Variants in ERV3-1 observed in about 807,000 individuals in gnomAD.
ERV3-1 encodes the protein endogenous retrovirus group 3 member 1 Env polyprotein.
A neutral mutation model predicts 24.6 loss-of-function variants in ERV3-1; 36 were observed. That is an observed-to-expected ratio of 1.47 (90% CI 1.12 to 1.94). ERV3-1 has a LOEUF of 1.94. Among genes scored for constraint, ERV3-1 ranks in the 30% most tolerant of loss-of-function variants. The pLI is 0.00. For synonymous variants in ERV3-1, 211 were observed against 122.6 expected, an observed-to-expected ratio of 1.72 and a Z score of -4.76; for missense variants, 578 against 330.9, an observed-to-expected ratio of 1.75 and a Z score of -5.79.
At chr7:64,995,393 TAGAA>T (rs1204994234) in intron 1 of ERV3-1, among the ~76,000 whole-genome samples, 1 of 152,238 alleles carries the variant, frequency 6.6e-6, no homozygotes, top group East Asian at 1.9e-4. Flanking sequence ...CATGGACATA[TAGAA>T]AGAAAGGCTT....
intron 1 of ERV3-1, among the ~76,000 whole-genome samples, chr7:65,002,717 C>T (rs1786551516): frequency 6.6e-6 from 1 of 152,228 alleles, no homozygotes; most frequent in Admixed American, 6.5e-5. Flanking sequence ...AGCCAACATA[C>T]AGCCCCATTT....
rs371741569 is a variant in ERV3-1, at chr7:65,005,476, C to A, written c.-389+1065G>T. Among the ~76,000 whole-genome samples the A allele has an allele frequency of 1.2e-3, 183 of 152,208 alleles. 1 individual carries two copies. The highest frequency in any genetic ancestry group is 4.1e-3 in the African/African-American group (172 of 41,528). On this transcript the variant is annotated intron_variant, in intron 1 of 1. Coordinates refer to ENST00000394323, the MANE Select transcript of ERV3-1 (RefSeq NM_001007253.4). ...TTGGGAAATCTTTACAAACAGAAAA[C>A]AAATCTTTTTTAAAATGCCAGCCAA...
rs1333108987 is a variant in ERV3-1 at position 64,992,695 on chromosome 7, G to A, written c.332C>T (p.Pro111Leu). ...TAAGGATACGACATCCTTGCCAGAG[G>A]GAAATACCTTGGTTTGGTTTAGAAG... ...GDLLNQTKVFPSGKDVVSLYF... is the reference protein window; with the variant it reads ...GDLLNQTKVFLSGKDVVSLYF... Residue 111 changes from proline to leucine, a missense_variant, in exon 2 of 2, where the codon CCC (proline) becomes CTC (leucine). Coordinates refer to ENST00000394323, the MANE Select transcript of ERV3-1 (RefSeq NM_001007253.4). 5.2e-6 allele frequency: 4 copies of A among 766,276 alleles called. No homozygotes were observed. The highest frequency in any genetic ancestry group is 1.3e-5 in the South Asian group (1 of 74,624). The allele number at this position is 766,276 out of a possible 1,614,324, so 47.5% of individuals were successfully genotyped here. A position where few individuals can be genotyped will look rare whatever the true frequency, so the allele number is the denominator to read the frequency against.
intron 1 of ERV3-1, among the ~76,000 whole-genome samples, chr7:65,000,235 T>C (rs1786490114): frequency 6.6e-6 from 1 of 152,100 alleles, no homozygotes; most frequent in South Asian, 2.1e-4. Context: ...TTTTTTGTTT[T>C]TTTTTGAGAT....
At chr7:65,000,867 AAAG>A (rs1240609913) in intron 1 of ERV3-1, among the ~76,000 whole-genome samples, 9 of 152,234 alleles carry the variant, frequency 5.9e-5, no homozygotes, top group African/African-American at 1.9e-4. Context: ...TGGCCATAAA[AAAG>A]AAGATTGTGT....
Position 64,991,007 on chromosome 7 carries a change from G to GA in ERV3-1, c.*204_*205insT. ...AGAGGAAGTAGCTCTTTTCTTGGCA[G>GA]GGGTTAATACTTAGTTAGGGCCATT... is the stretch of plus-strand genomic sequence containing the variant. On this transcript the variant is annotated 3_prime_UTR_variant, in exon 2 of 2. Coordinates refer to ENST00000394323, the MANE Select transcript of ERV3-1 (RefSeq NM_001007253.4). The GA allele has an allele frequency of 2.4e-6, 1 of 419,434 alleles. No homozygotes were observed. Among genetic ancestry groups the GA allele is most frequent in the Non-Finnish European group, 4.2e-6 (1 of 237,336 alleles). The allele number at this position is 419,434 out of a possible 1,614,324, so 26.0% of individuals were successfully genotyped here. A position where few individuals can be genotyped will look rare whatever the true frequency, so the allele number is the denominator to read the frequency against.
rs767670847 is a variant in ERV3-1 at position 64,991,841 on chromosome 7, G to A, written c.1186C>T (p.Pro396Ser). 2 of 766,122 alleles carry A rather than the reference G, an allele frequency of 2.6e-6. No individual in the cohort carries two copies. The highest frequency in any genetic ancestry group is 3.4e-5 in the African/African-American group (2 of 59,112). 47.5% of individuals were successfully genotyped at this position (766,122 alleles called of 1,614,324 possible). The change falls in exon 2 of 2, where the codon CCA becomes TCA. Residue 396 changes from proline (P) to serine (S), a missense_variant. By Grantham distance (74) the Pro-to-Ser change is moderately conservative. Transcript: ENST00000394323. ...TGGTACCAAGAATGGTTTAAAGATG[G>A]GAAACGAGAGAATGGGCTTGGGTGT... ...SPHPSPFSRF[P>S]SLNHSWYQLE...
Position 64,991,015 on chromosome 7 carries a change from T to C in ERV3-1, c.*197A>G, listed in dbSNP as rs552655508. On this transcript the variant is annotated 3_prime_UTR_variant, in exon 2 of 2. Transcript: ENST00000394323. ...TAGCTCTTTTCTTGGCAGGGGTTAATACTTAGTTAGGGCCATTAGTCGTGT... is the reference window on the plus strand; with the variant it reads ...TAGCTCTTTTCTTGGCAGGGGTTAACACTTAGTTAGGGCCATTAGTCGTGT... The C allele has an allele frequency of 2.1e-4, 97 of 469,152 alleles. No homozygotes were observed. Among genetic ancestry groups the C allele is most frequent in the African/African-American group, 1.7e-3 (88 of 51,270 alleles). 29.1% of individuals were successfully genotyped at this position (469,152 alleles called of 1,614,324 possible).
At position 64,991,711 on chromosome 7, in the gene ERV3-1, A is replaced by G; in HGVS notation, c.1316T>C (p.Leu439Pro). The G allele has an allele frequency of 1.3e-6, 1 of 759,644 alleles. No individual in the cohort carries two copies. Among genetic ancestry groups the G allele is most frequent in the Admixed American group, 1.7e-5 (1 of 57,558 alleles). The allele number at this position is 759,644 out of a possible 1,614,324, so 47.1% of individuals were successfully genotyped here. Reference protein sequence around the residue: ...LPAKWSGACVLGTIRPSFFLM... With the variant: ...LPAKWSGACVPGTIRPSFFLM... ...GAAGAAGGACGGCCTAATTGTCCCC[A>G]GTACACAGGCCCCTGACCATTTAGC... Residue 439 changes from leucine to proline, a missense_variant, in exon 2 of 2, where the codon CTG becomes CCG. Coordinates refer to ENST00000394323, the MANE Select transcript of ERV3-1 (RefSeq NM_001007253.4).
At position 64,990,501 on chromosome 7, in the gene ERV3-1, G is replaced by C. The variant is rs1234487296; in HGVS notation, c.*711C>G. The stretch of plus-strand genomic sequence containing the variant: ...GGGTTTTTGGCGCAAAACCTGCGAG[G>C]TGAGAAAGCAGTCTTACAGAAGCAG... On this transcript the variant is annotated 3_prime_UTR_variant, in exon 2 of 2. Transcript: ENST00000394323. 5.9e-6 allele frequency: 1 copy of C among 170,838 alleles called. No individual in the cohort carries two copies. The highest frequency in any genetic ancestry group is 1.2e-5 in the Non-Finnish European group (1 of 80,484). 10.6% of individuals were successfully genotyped at this position (170,838 alleles called of 1,614,324 possible). A position where few individuals can be genotyped will look rare whatever the true frequency, so the allele number is the denominator to read the frequency against.
rs2115560778 is a variant in ERV3-1 at position 65,006,644 on chromosome 7, G to C, written c.-492C>G. On this transcript the variant is annotated 5_prime_UTR_variant, in exon 1 of 2. Coordinates refer to ENST00000394323, the MANE Select transcript of ERV3-1 (RefSeq NM_001007253.4). ...TGGGCCTCTAGGAGCAGAAGACACA[G>C]AGCAGTGAAGACTACACCAGAAGCT... is the stretch of plus-strand genomic sequence containing the variant. 9.8e-6 allele frequency: 15 copies of C among 1,529,676 alleles called. No individual in the cohort carries two copies. Among genetic ancestry groups the C allele is most frequent in the Non-Finnish European group, 1.4e-5 (15 of 1,105,728 alleles). The allele number at this position is 1,529,676 out of a possible 1,614,324, so 94.8% of individuals were successfully genotyped here.
chr7:64,993,636 A>G (rs1261513647), intron 1 of ERV3-1, among the ~76,000 whole-genome samples: 2 of 152,128 alleles, frequency 1.3e-5, no homozygotes, highest in Non-Finnish European at 2.9e-5. Context: ...TAATTCCCCT[A>G]GTTCACGGAG....
chr7:64,991,002 TGG>T lies in ERV3-1; in HGVS notation c.*208_*209del. On this transcript the variant is annotated 3_prime_UTR_variant, in exon 2 of 2. Coordinates refer to ENST00000394323, the MANE Select transcript of ERV3-1 (RefSeq NM_001007253.4). ...CTTCAAGAGGAAGTAGCTCTTTTCT[TGG>T]CAGGGGTTAATACTTAGTTAGGGCC... is the stretch of plus-strand genomic sequence containing the variant. 1 of 417,100 alleles carries T rather than the reference TGG, an allele frequency of 2.4e-6. No individual in the cohort carries two copies. Among genetic ancestry groups the T allele is most frequent in the Non-Finnish European group, 4.2e-6 (1 of 235,868 alleles). The allele number at this position is 417,100 out of a possible 1,614,324, so 25.8% of individuals were successfully genotyped here.
intron 1 of ERV3-1, among the ~76,000 whole-genome samples, chr7:65,005,804 A>C (rs1225133526): frequency 5.3e-5 from 8 of 152,180 alleles, no homozygotes; most frequent in Non-Finnish European, 1.0e-4. Context: ...CTCCAGTCCT[A>C]GGGTTGCTAC....
At chr7:64,999,409 A>G (rs1584067609) in intron 1 of ERV3-1, among the ~76,000 whole-genome samples, 1 of 152,214 alleles carries the variant, frequency 6.6e-6, no homozygotes, top group Non-Finnish European at 1.5e-5. Context: ...TTAGGTGACC[A>G]CCAGCCCAGC....
At position 65,006,611 on chromosome 7, in the gene ERV3-1, A is replaced by G; in HGVS notation, c.-459T>C. The G allele has an allele frequency of 6.4e-7, 1 of 1,561,660 alleles. No individual in the cohort carries two copies. The highest frequency in any genetic ancestry group is 8.8e-7 in the Non-Finnish European group (1 of 1,134,178). ...CCCAATACCTGCAGGTAACGAGGCCACAGAAGCTGGGCCTCTAGGAGCAGA... is the reference window on the plus strand; with the variant it reads ...CCCAATACCTGCAGGTAACGAGGCCGCAGAAGCTGGGCCTCTAGGAGCAGA... On this transcript the variant is annotated 5_prime_UTR_variant, in exon 1 of 2. Coordinates refer to ENST00000394323, the MANE Select transcript of ERV3-1 (RefSeq NM_001007253.4).
Position 64,993,273 on chromosome 7 carries a change from G to GC in ERV3-1, c.-248dup. 1 of 441,648 alleles carries GC rather than the reference G, an allele frequency of 2.3e-6. No individual in the cohort carries two copies. Among genetic ancestry groups the GC allele is most frequent in the South Asian group, 3.6e-5 (1 of 27,432 alleles). 27.4% of individuals were successfully genotyped at this position (441,648 alleles called of 1,614,324 possible). A position where few individuals can be genotyped will look rare whatever the true frequency, so the allele number is the denominator to read the frequency against. On this transcript the variant is annotated 5_prime_UTR_variant, in exon 2 of 2. It introduces an in-frame stop codon into an upstream open reading frame of the 5' UTR. Coordinates refer to ENST00000394323, the MANE Select transcript of ERV3-1 (RefSeq NM_001007253.4). The stretch of plus-strand genomic sequence containing the variant: ...CAGCTTCCGGAGTGACCAGAGCAGG[G>GC]CTGTTGTCATCTCACTGGCACCTTG...
Position 64,991,872 on chromosome 7 carries a change from T to C in ERV3-1, c.1155A>G (p.Glu385=). The change falls in exon 2 of 2, where the codon GAA becomes GAG. Residue 385 remains glutamate (E), a synonymous_variant. Transcript: ENST00000394323. ...TLWRGKSNNS[E]SPHPSPFSRF... The stretch of plus-strand genomic sequence containing the variant: ...GAGAGAATGGGCTTGGGTGTGGTGA[T>C]TCAGAATTATTGCTTTTGCCCCTCC... 1.3e-6 allele frequency: 1 copy of C among 766,306 alleles called. No individual in the cohort carries two copies. The highest frequency in any genetic ancestry group is 2.4e-6 in the Non-Finnish European group (1 of 417,878). 47.5% of individuals were successfully genotyped at this position (766,306 alleles called of 1,614,324 possible).
At chr7:64,997,346 C>A (rs184834835) in intron 1 of ERV3-1, among the ~76,000 whole-genome samples, 166 of 152,300 alleles carry the variant, frequency 1.1e-3, no homozygotes, top group African/African-American at 3.8e-3. Context: ...CTGATGTCTC[C>A]CTGGGCCTGT....
Sources: allele counts gnomAD v4.1 joint callset (sites outside exome capture counted in the v4.1 genomes callset), GRCh38; gene constraint gnomAD v4.1.1; transcripts MANE v1.5; gene names NCBI Gene and HGNC (gene_info 2026-07-23, HGNC 2026-07-21).